CACNA1A: variants seen among roughly 807,000 people sequenced by gnomAD.
CACNA1A encodes calcium voltage-gated channel subunit alpha1 A.
In CACNA1A, 57 loss-of-function variants were observed where a neutral mutation model predicts 262.4. The observed-to-expected ratio is 0.22, with a 90% CI of 0.18 to 0.27. CACNA1A has a LOEUF of 0.27. CACNA1A is among the 10% of genes least tolerant of loss of function. CACNA1A has a pLI of 1.00. For synonymous variants in CACNA1A, 1,431 were observed against 1,419.3 expected (o/e 1.01, Z -0.18); for missense variants, 2,526 against 3,562.8 (o/e 0.71, Z 7.41).
intron 2 of CACNA1A, among the ~76,000 whole-genome samples, chr19:13,453,417 G>C (rs1421456678): frequency 6.6e-6 from 1 of 152,194 alleles, no homozygotes; most frequent in Non-Finnish European, 1.5e-5. Flanking sequence ...TATTGGACAG[G>C]GCAGATGGAG....
intron 4 of CACNA1A, among the ~76,000 whole-genome samples, chr19:13,367,714 C>T (rs57297632): frequency 0.028 from 4,325 of 151,872 alleles, 196 homozygotes; most frequent in African/African-American, 0.098. Context: ...GGTGAAAGTG[C>T]GAGATTCCAT....
At chr19:13,277,436 A>G (rs994317855) in intron 22 of CACNA1A, 11 of 248,746 alleles carry the variant, frequency 4.4e-5, no homozygotes, top group Non-Finnish European at 7.2e-5. Context: ...CAAGCCCTGT[A>G]GTGGATTAGA....
At chr19:13,429,999 A>AG (rs1342532529) in intron 3 of CACNA1A, among the ~76,000 whole-genome samples, 1 of 4,724 alleles carries the variant, frequency 2.1e-4, no homozygotes, top group Non-Finnish European at 3.9e-4. Context: ...GGGAGTGGGG[A>AG]GGGGGGAAGG....
chr19:13,375,615 C>G (rs1389135877), intron 3 of CACNA1A, among the ~76,000 whole-genome samples: 1 of 151,962 alleles, frequency 6.6e-6, no homozygotes, highest in Non-Finnish European at 1.5e-5. Flanking sequence ...TAGGGAGACC[C>G]TATCTCTACA....
chr19:13,233,383 A>G (rs770863958), intron 34 of CACNA1A, among the ~76,000 whole-genome samples: 10 of 152,248 alleles, frequency 6.6e-5, no homozygotes, highest in Admixed American at 2.0e-4. Context: ...AAGTTTATCA[A>G]TTTAACCATT....
In CACNA1A at chr19:13,253,178, C is replaced by A. The variant is rs145057649; in HGVS notation, c.4756-77G>T. ...GGGAAGTGGGGAGGCAGCTTCATGG[C>A]TGTTCTCCAGGCAACACTCCAGCCC... On this transcript the variant is annotated intron_variant, in intron 29 of 46. Transcript: ENST00000360228. The A allele has an allele frequency of 5.3e-5, 47 of 888,006 alleles. No individual in the cohort carries two copies. The African/African-American group carries it at 7.0e-4, about 13-fold the overall frequency. The allele number at this position is 888,006 out of a possible 1,614,324, so 55.0% of individuals were successfully genotyped here.
At chr19:13,339,130 C>T (rs1600371827) in intron 6 of CACNA1A, among the ~76,000 whole-genome samples, 1 of 152,048 alleles carries the variant, frequency 6.6e-6, no homozygotes, top group African/African-American at 2.4e-5. Flanking sequence ...TCCCAAAGTG[C>T]TGTAATTACA....
At position 13,212,761 on chromosome 19, in the gene CACNA1A, C is replaced by A; in HGVS notation, c.5941-21G>T. 7.2e-7 allele frequency: 1 copy of A among 1,389,848 alleles called. No homozygotes were observed. The highest frequency in any genetic ancestry group is 9.7e-7 in the Non-Finnish European group (1 of 1,034,750). 86.1% of individuals were successfully genotyped at this position (1,389,848 alleles called of 1,614,324 possible). A position where few individuals can be genotyped will look rare whatever the true frequency, so the allele number is the denominator to read the frequency against. On this transcript the variant is annotated intron_variant, in intron 40 of 46. Coordinates refer to ENST00000360228, the MANE Select transcript of CACNA1A (RefSeq NM_001127222.2). The surrounding 1 kb of genome is among the most constrained non-coding windows in gnomAD (Gnocchi z 5.6). ...CGGTCCTGGGGAATGGGGCAGAGAG[C>A]AGTGTGTGGACAAGGGTGGGGTGGT...
intron 3 of CACNA1A, among the ~76,000 whole-genome samples, chr19:13,383,712 A>G (rs899430638): frequency 6.6e-6 from 1 of 152,186 alleles, no homozygotes; most frequent in Non-Finnish European, 1.5e-5. Context: ...CGAATTCTTC[A>G]GGTTGAAACT....
intron 43 of CACNA1A, chr19:13,211,896 T>C: frequency 1.8e-6 from 1 of 558,058 alleles, no homozygotes; most frequent in South Asian, 2.2e-5. Flanking sequence ...TTCCTCTCTG[T>C]CCTCTGTGAG....
At chr19:13,398,097 A>G (rs769395070) in intron 3 of CACNA1A, among the ~76,000 whole-genome samples, 19 of 152,104 alleles carry the variant, frequency 1.2e-4, no homozygotes, top group Non-Finnish European at 1.8e-4. Context: ...CCCCACCTAT[A>G]CTAAAAATAC....
Position 13,308,686 on chromosome 19 carries a change from T to G in CACNA1A, c.1669-158A>C. 2 of 571,384 alleles carry G rather than the reference T, an allele frequency of 3.5e-6. No homozygotes were observed. Among genetic ancestry groups the G allele is most frequent in the Non-Finnish European group, 6.2e-6 (2 of 322,104 alleles). 35.4% of individuals were successfully genotyped at this position (571,384 alleles called of 1,614,324 possible). On this transcript the variant is annotated intron_variant, in intron 12 of 46. Coordinates refer to ENST00000360228, the MANE Select transcript of CACNA1A (RefSeq NM_001127222.2). This position sits in a 1 kb window ranked among gnomAD's most constrained non-coding sequence, Gnocchi z 4.2. ...TTGACCCCCTCATTCATCCATTCAT[T>G]TATCTATAGAGACCGGGTCTCACTG...
At chr19:13,371,650 G>A (rs372049268) in intron 4 of CACNA1A, 38 bp downstream of exon 4, 11 of 1,481,160 alleles carry the variant, frequency 7.4e-6, no homozygotes, top group Middle Eastern at 3.4e-4. Context: ...CCTGGGGCCC[G>A]TGAGCAAACC....
chr19:13,265,705 A>G (rs2056845906), intron 24 of CACNA1A, among the ~76,000 whole-genome samples: 1 of 152,150 alleles, frequency 6.6e-6, no homozygotes, highest in African/African-American at 2.4e-5. Flanking sequence ...CGTATCTTTC[A>G]GACGCTCTGC....
rs189877724 is a variant in CACNA1A, at chr19:13,444,856, G to A, written c.539+8020C>T. ...ATGGAGCCTTAAAATCCAATGATGC[G>A]GCCCGGTGCGGTGGCTCACGCTTGT... On this transcript the variant is annotated intron_variant, in intron 3 of 46. Coordinates refer to ENST00000360228, the MANE Select transcript of CACNA1A (RefSeq NM_001127222.2). Among the ~76,000 whole-genome samples, 461 of 152,160 alleles carry A rather than the reference G, an allele frequency of 3.0e-3. 1 individual carries two copies. The highest frequency in any genetic ancestry group is 0.01 in the Middle Eastern group (3 of 294).
At chr19:13,497,552 ATATATATATATATATATATATATAT>A (rs1169194368) in intron 1 of CACNA1A, among the ~76,000 whole-genome samples, 8 of 63,294 alleles carry the variant, frequency 1.3e-4, no homozygotes, top group Admixed American at 2.3e-4. Flanking sequence ...ATATATATAT[ATATATATATATATATATATATATAT>A]ATAAATTTAT....
chr19:13,436,007 T>C (rs2060605962), intron 3 of CACNA1A, among the ~76,000 whole-genome samples: 1 of 152,064 alleles, frequency 6.6e-6, no homozygotes, highest in Non-Finnish European at 1.5e-5. Context: ...GTATTTTTAG[T>C]AGAGATGGGA....
intron 22 of CACNA1A, among the ~76,000 whole-genome samples, chr19:13,278,118 A>C (rs1438630896): frequency 2.0e-5 from 3 of 151,536 alleles, no homozygotes; most frequent in Admixed American, 1.3e-4. Context: ...TCCACCCAGA[A>C]GCTGCAAGGG....
Position 13,299,045 on chromosome 19 carries a change from C to A in CACNA1A, c.2588G>T (p.Arg863Leu), listed in dbSNP as rs755487252. The A allele has an allele frequency of 6.2e-7, 1 of 1,600,544 alleles. No individual in the cohort carries two copies. Among genetic ancestry groups the A allele is most frequent in the Non-Finnish European group, 8.5e-7 (1 of 1,177,750 alleles). ...GGGGTCCCGGGCCCGATCGTGGTAG[C>A]GGGCCTGTTTCCTGAGGAAGTCCTC... ...RAEDFLRKQARYHDRARDPSG... is the reference protein window; with the variant it reads ...RAEDFLRKQALYHDRARDPSG... The change falls in exon 19 of 47, where the codon CGC (arginine) becomes CTC (leucine). Residue 863 changes from arginine (R) to leucine (L), a missense_variant. Physicochemically the swap from Arg to Leu is moderately radical, Grantham distance 102 (BLOSUM62 -2). This residue lies in a region of CACNA1A where 765 missense variants were observed against 748.6 expected (regional missense o/e 1.02). Coordinates refer to ENST00000360228, the MANE Select transcript of CACNA1A (RefSeq NM_001127222.2).
Sources: gnomAD v4.1 joint callset for allele counts (sites outside exome capture counted in the v4.1 genomes callset) on GRCh38, gnomAD v4.1.1 for gene constraint, gnomAD v4.1.1 regional missense constraint, Gnocchi (gnomAD v3.1) non-coding constraint, MANE v1.5 for transcripts, NCBI Gene and HGNC (gene_info 2026-07-23, HGNC 2026-07-21) for gene names.